Variants in ARID4B observed in about 807,000 individuals in gnomAD.
The protein encoded by ARID4B is AT-rich interaction domain 4B.
A neutral mutation model predicts 147.5 loss-of-function variants in ARID4B; 26 were observed. That is an observed-to-expected ratio of 0.18 (90% CI 0.13 to 0.24). ARID4B has a LOEUF of 0.24. Among genes scored for constraint, ARID4B ranks in the 10% least tolerant of loss-of-function variants. The pLI, the probability that ARID4B is intolerant of heterozygous loss-of-function variation, is 1.00. For synonymous variants in ARID4B, 512 were observed against 507.9 expected, an observed-to-expected ratio of 1.01 and a Z score of -0.11; for missense variants, 1,179 against 1,511.5, an observed-to-expected ratio of 0.78 and a Z score of 3.65.
chr1:235,255,622 C>T (rs1462492727), intron 5 of ARID4B, 38 bp downstream of exon 5: 3 of 1,384,180 alleles, frequency 2.2e-6, no homozygotes, highest in Non-Finnish European at 3.0e-6. Flanking sequence ...CTTTGTGTAA[C>T]TAAAAACACA....
chr1:235,283,204 G>C (rs1475816161), intron 2 of ARID4B, among the ~76,000 whole-genome samples: 2 of 152,166 alleles, frequency 1.3e-5, no homozygotes, highest in African/African-American at 2.4e-5. Flanking sequence ...AAAGAGCAAA[G>C]AGAGGTGGAG....
chr1:235,195,107 C>T (rs1216302395), intron 18 of ARID4B, among the ~76,000 whole-genome samples: 1 of 151,564 alleles, frequency 6.6e-6, no homozygotes, highest in Non-Finnish European at 1.5e-5. Flanking sequence ...GCAGTAAGCA[C>T]TATAAATTTT....
intron 8 of ARID4B, among the ~76,000 whole-genome samples, chr1:235,236,833 A>ATATATATATATATATATATATATGTATAT: frequency 3.0e-5 from 1 of 33,522 alleles, no homozygotes; most frequent in East Asian, 1.5e-3. Flanking sequence ...TTTTATAAAA[A>ATATATATATATATATATATATATGTATAT]ATATATATAT....
Position 235,175,416 on chromosome 1 carries a change from A to C in ARID4B, c.3449-17T>G. ...TACTATTTGCTGAAAGAGAAAGAAAAGATTTAATAAACAAAAATGTAACAA... is the reference window on the plus strand; with the variant it reads ...TACTATTTGCTGAAAGAGAAAGAAACGATTTAATAAACAAAAATGTAACAA... On this transcript the variant is annotated splice_polypyrimidine_tract_variant and intron_variant, in intron 21 of 23. Transcript: ENST00000264183. 6.4e-7 allele frequency: 1 copy of C among 1,570,578 alleles called. No homozygotes were observed. The highest frequency in any genetic ancestry group is 2.2e-5 in the East Asian group (1 of 44,662).
At chr1:235,261,152 A>AT (rs1429697610) in intron 2 of ARID4B, among the ~76,000 whole-genome samples, 1 of 152,108 alleles carries the variant, frequency 6.6e-6, no homozygotes, top group Non-Finnish European at 1.5e-5. Flanking sequence ...ATCTTCTAAT[A>AT]TTTAGGCTGT....
chr1:235,236,416 A>C (rs1668557766), intron 8 of ARID4B, among the ~76,000 whole-genome samples: 2 of 152,052 alleles, frequency 1.3e-5, no homozygotes, highest in African/African-American at 2.4e-5. Context: ...ATGGTGTGAG[A>C]AGCTTAAATT....
intron 9 of ARID4B, among the ~76,000 whole-genome samples, chr1:235,233,512 T>A (rs2103054599): frequency 6.6e-6 from 1 of 152,124 alleles, no homozygotes; most frequent in South Asian, 2.1e-4. Context: ...CATCAAATCT[T>A]AAAACATGAT....
chr1:235,234,458 A>ACAGCAATCTCATCACTT lies in ARID4B; in HGVS notation c.619_620insAAGTGATGAGATTGCTG (p.Val207GlufsTer7). Reference sequence around the variant, plus strand: ...TCGAACAAGAATATTGTCCTTTTTTACAGCAATCTCATCACTACAATCAGG... The same window carrying ACAGCAATCTCATCACTT: ...TCGAACAAGAATATTGTCCTTTTTTACAGCAATCTCATCACTTCAGCAATCTCATCACTACAATCAGG... On this transcript the variant is annotated frameshift_variant, in exon 9 of 24. Transcript: ENST00000264183. LOFTEE classifies it high-confidence loss of function. The ACAGCAATCTCATCACTT allele has an allele frequency of 6.2e-7, 1 of 1,607,652 alleles. No homozygotes were observed. Among genetic ancestry groups the ACAGCAATCTCATCACTT allele is most frequent in the Non-Finnish European group, 8.5e-7 (1 of 1,175,510 alleles).
intron 3 of ARID4B, among the ~76,000 whole-genome samples, chr1:235,257,785 A>G (rs1204294833): frequency 1.3e-5 from 2 of 152,152 alleles, no homozygotes; most frequent in East Asian, 3.8e-4. Flanking sequence ...CTGGTCCCAC[A>G]TATCATCCTT....
intron 10 of ARID4B, among the ~76,000 whole-genome samples, chr1:235,230,570 A>C (rs1253372682): frequency 6.9e-6 from 1 of 145,530 alleles, no homozygotes; most frequent in Non-Finnish European, 1.5e-5. Context: ...CCATTATTCT[A>C]GATTATTATG....
chr1:235,219,723 CACAT>C (rs1004381337), intron 16 of ARID4B, 66 bp downstream of exon 16: 32 of 1,243,926 alleles, frequency 2.6e-5, no homozygotes, highest in Admixed American at 1.2e-4. Context: ...CATACATAAA[CACAT>C]ACAAAGAGCA....
rs1484917502 is a variant in ARID4B, at chr1:235,242,045, C to T, written c.447-1594G>A. Among the ~76,000 whole-genome samples the T allele has an allele frequency of 4.6e-5, 7 of 151,844 alleles. No homozygotes were observed. In the South Asian group the frequency reaches 8.3e-4, roughly 18 times the overall value. On this transcript the variant is annotated intron_variant, in intron 7 of 23. Coordinates refer to ENST00000264183, the MANE Select transcript of ARID4B (RefSeq NM_016374.6). ...GGTGGATCACCTGAGGTCAGGAGTTCGAGACCAGCCTGGCCAAAATGGTGA... is the reference window on the plus strand; with the variant it reads ...GGTGGATCACCTGAGGTCAGGAGTTTGAGACCAGCCTGGCCAAAATGGTGA...
chr1:235,223,433 ATG>A (rs1667631316), intron 12 of ARID4B, among the ~76,000 whole-genome samples, 173 bp from the exon 13 acceptor site: 1 of 143,222 alleles, frequency 7.0e-6, no homozygotes, highest in Non-Finnish European at 1.5e-5. Flanking sequence ...ATATATATAT[ATG>A]AGAAATTATC....
At chr1:235,242,497 A>G (rs930047184) in intron 7 of ARID4B, among the ~76,000 whole-genome samples, 2 of 152,114 alleles carry the variant, frequency 1.3e-5, no homozygotes, top group African/African-American at 2.4e-5. Flanking sequence ...CCAAGCTTAA[A>G]ATCATAATTA....
chr1:235,305,565 G>A (rs2382568), intron 2 of ARID4B, among the ~76,000 whole-genome samples: 44,736 of 152,096 alleles, frequency 0.29, 7,710 homozygotes, highest in South Asian at 0.53. Context: ...CTAGTGGCAT[G>A]ACCTTAGTTA....
intron 2 of ARID4B, among the ~76,000 whole-genome samples, chr1:235,305,746 C>T (rs886997977): frequency 6.6e-6 from 1 of 152,090 alleles, no homozygotes; most frequent in African/African-American, 2.4e-5. Context: ...ATCACTTGAA[C>T]CGGGGAGTTC....
Position 235,184,063 on chromosome 1 carries a change from G to A in ARID4B, c.2126-1270C>T, listed in dbSNP as rs565821742. Among the ~76,000 whole-genome samples the A allele has an allele frequency of 1.5e-3, 227 of 152,232 alleles. 2 individuals carry two copies. Among genetic ancestry groups the A allele is most frequent in the African/African-American group, 5.2e-3 (217 of 41,530 alleles). On this transcript the variant is annotated intron_variant, in intron 19 of 23. Transcript: ENST00000264183. The stretch of plus-strand genomic sequence containing the variant: ...CAAAGTGCTGAGATTAAAGGCATGA[G>A]CCACCACACCTGGCCAGCTTCATTT...
chr1:235,233,836 C>T (rs535092451), intron 9 of ARID4B, among the ~76,000 whole-genome samples: 140 of 152,244 alleles, frequency 9.2e-4, no homozygotes, highest in African/African-American at 3.2e-3. Context: ...AATCCCAGCA[C>T]TTTGGGGTTC....
rs1329998616 is a variant in ARID4B at position 235,181,923 on chromosome 1, T to C, written c.2996A>G (p.Glu999Gly). 6.2e-7 allele frequency: 1 copy of C among 1,614,218 alleles called. No homozygotes were observed. Among genetic ancestry groups the C allele is most frequent in the Non-Finnish European group, 8.5e-7 (1 of 1,180,032 alleles). ...PVNVDSKPIE[E>G]KTVEVNDRKA... Reference sequence around the variant, plus strand: ...TCTGTCATTGACCTCTACTGTTTTTTCTTCAATGGGTTTACTATCGACATT... The same window carrying C: ...TCTGTCATTGACCTCTACTGTTTTTCCTTCAATGGGTTTACTATCGACATT... Residue 999 changes from glutamate (E) to glycine (G), a missense_variant, in exon 20 of 24, where the codon GAA becomes GGA. Physicochemically the swap from Glu to Gly is moderately conservative, Grantham distance 98 (BLOSUM62 -2). Transcript: ENST00000264183.
Sources: allele counts gnomAD v4.1 joint callset (sites outside exome capture counted in the v4.1 genomes callset), GRCh38; gene constraint gnomAD v4.1.1; transcripts MANE v1.5; gene names NCBI Gene and HGNC (gene_info 2026-07-23, HGNC 2026-07-21).